The following FOXA3 variants were observed in gnomAD, a reference collection of about 807,000 sequenced individuals.
The protein encoded by FOXA3 is hepatocyte nuclear factor 3-gamma.
Under a neutral mutation model 16.9 loss-of-function variants are expected in FOXA3, and 11 were observed. The ratio of observed to expected loss-of-function variants is 0.65; its 90% CI spans 0.41 to 1.08. The LOEUF is 1.08. Ranked by LOEUF, FOXA3 falls within the 50% of genes least tolerant of loss-of-function variation. The pLI is 0.00. For missense variants in FOXA3, 423 were observed against 470.1 expected, an observed-to-expected ratio of 0.90 and a Z score of 0.93; for synonymous variants, 217 against 203.3, an observed-to-expected ratio of 1.07 and a Z score of -0.57.
chr19:45,871,114 A>G (rs1243356277), intron 1 of FOXA3, among the ~76,000 whole-genome samples: 1 of 152,132 alleles, frequency 6.6e-6, no homozygotes, highest in Admixed American at 6.6e-5. Flanking sequence ...TAGGAGTCCA[A>G]ACAGTTTCTG....
Position 45,872,710 on chromosome 19 carries a change from G to T in FOXA3, c.705G>T (p.Gly235=), listed in dbSNP as rs1468864858. 16 of 1,607,218 alleles carry T rather than the reference G, an allele frequency of 1.0e-5. No homozygotes were observed. The highest frequency in any genetic ancestry group is 1.4e-5 in the Non-Finnish European group (16 of 1,177,214). Reference sequence around the variant, plus strand: ...CCACCACCACCAGGAACGGGACAGGGTCTGCTGCCTCGACCACCACCCCCG... The same window carrying T: ...CCACCACCACCAGGAACGGGACAGGTTCTGCTGCCTCGACCACCACCCCCG... ...GAATTTRNGT[G]SAASTTTPAA... Residue 235 remains glycine (G), a synonymous_variant, in exon 2 of 2, where the codon GGG becomes GGT. Transcript: ENST00000302177. This position sits in a 1 kb window ranked among gnomAD's most constrained non-coding sequence, Gnocchi z 4.5.
Position 45,864,433 on chromosome 19 carries a change from C to T in FOXA3, c.-24C>T, listed in dbSNP as rs2146358247. ...CGTTCCCCCGGGGCCGGAGCGGGGG[C>T]GGGTGGGGGCGTAAGCCCGGGGGAT... On this transcript the variant is annotated 5_prime_UTR_variant, in exon 1 of 2. Transcript: ENST00000302177. 4.3e-6 allele frequency: 6 copies of T among 1,392,564 alleles called. No homozygotes were observed. Among genetic ancestry groups the T allele is most frequent in the South Asian group, 1.6e-5 (1 of 64,350 alleles). 86.3% of individuals were successfully genotyped at this position (1,392,564 alleles called of 1,614,324 possible). A position where few individuals can be genotyped will look rare whatever the true frequency, so the allele number is the denominator to read the frequency against.
At chr19:45,869,013 T>G (rs1972110497) in intron 1 of FOXA3, among the ~76,000 whole-genome samples, 1 of 152,168 alleles carries the variant, frequency 6.6e-6, no homozygotes, top group Admixed American at 6.5e-5. Context: ...CCACAACCTC[T>G]GCCTCCTGGG....
At chr19:45,865,291 G>C (rs1027461823) in intron 1 of FOXA3, among the ~76,000 whole-genome samples, 5 of 151,966 alleles carry the variant, frequency 3.3e-5, no homozygotes, top group African/African-American at 1.2e-4. Flanking sequence ...CCTGCTCCCC[G>C]CCAGTCCAGC....
chr19:45,865,029 G>T (rs570170620), intron 1 of FOXA3, among the ~76,000 whole-genome samples: 1 of 152,230 alleles, frequency 6.6e-6, no homozygotes, highest in African/African-American at 2.4e-5. Flanking sequence ...CTAAGGATCA[G>T]CTGGTAATCT....
At chr19:45,864,549 C>T (rs1972060241) in intron 1 of FOXA3, 24 bp downstream of exon 1, 5 of 1,503,834 alleles carry the variant, frequency 3.3e-6, no homozygotes, top group African/African-American at 1.4e-5. Context: ...GATGGCGGAG[C>T]GGGAAGTTGG....
Position 45,872,680 on chromosome 19 carries a change from G to C in FOXA3, c.675G>C (p.Gly225=), listed in dbSNP as rs753556194. The change falls in exon 2 of 2, where the codon GGG becomes GGC. Residue 225 remains glycine, a synonymous_variant. Transcript: ENST00000302177. The surrounding 1 kb of genome is among the most constrained non-coding windows in gnomAD (Gnocchi z 4.5). ...AGAAGGTGAAAAAAGGGGGCAGCGG[G>C]GCTGCCACCACCACCAGGAACGGGA... The part of the protein sequence containing the change: ...LEEKVKKGGS[G]AATTTRNGTG... 5 of 1,611,130 alleles carry C rather than the reference G, an allele frequency of 3.1e-6. No individual in the cohort carries two copies. Among genetic ancestry groups the C allele is most frequent in the South Asian group, 2.2e-5 (2 of 90,862 alleles).
At position 45,868,252 on chromosome 19, in the gene FOXA3, A is replaced by G. The variant is rs915785090; in HGVS notation, c.69+3727A>G. On this transcript the variant is annotated intron_variant, in intron 1 of 1. Coordinates refer to ENST00000302177, the MANE Select transcript of FOXA3 (RefSeq NM_004497.3). ...TGATTCCCTAAGCCACCCTGGCCAGACTCGTTTCTCCGGACCTTGTGACCT... is the reference window on the plus strand; with the variant it reads ...TGATTCCCTAAGCCACCCTGGCCAGGCTCGTTTCTCCGGACCTTGTGACCT... Among the ~76,000 whole-genome samples, 6 of 151,888 alleles carry G rather than the reference A, an allele frequency of 4.0e-5. No homozygotes were observed. In the East Asian group the frequency reaches 5.8e-4, roughly 15 times the overall value.
chr19:45,873,196 G>A lies in FOXA3; in HGVS notation c.*138G>A, dbSNP rs368712646. The A allele has an allele frequency of 5.2e-6, 7 of 1,338,854 alleles. No homozygotes were observed. The highest frequency in any genetic ancestry group is 2.5e-5 in the East Asian group (1 of 39,776). The allele number at this position is 1,338,854 out of a possible 1,614,324, so 82.9% of individuals were successfully genotyped here. On this transcript the variant is annotated 3_prime_UTR_variant, in exon 2 of 2. Transcript: ENST00000302177. ...TCTATTACTTACTGTGATGACTGCT[G>A]TCTCAGTGGGCATGGTGTTGATCCA...
At chr19:45,871,530 GC>G (rs1199470656) in intron 1 of FOXA3, among the ~76,000 whole-genome samples, 5 of 147,108 alleles carry the variant, frequency 3.4e-5, no homozygotes, top group African/African-American at 1.3e-4. Flanking sequence ...TTCAAGACCA[GC>G]CCGGCCAACA....
chr19:45,867,820 A>T (rs1972098234), intron 1 of FOXA3, among the ~76,000 whole-genome samples: 2 of 134,940 alleles, frequency 1.5e-5, no homozygotes, highest in South Asian at 2.5e-4. Flanking sequence ...GGGCTGAAGG[A>T]GGAAGAAAGG....
At chr19:45,864,600 G>A in intron 1 of FOXA3, 75 bp downstream of exon 1, 1 of 1,247,402 alleles carries the variant, frequency 8.0e-7, no homozygotes, top group Non-Finnish European at 1.1e-6. Flanking sequence ...AGCAGGGACT[G>A]GTTGTGGGTT....
At chr19:45,871,291 T>C (rs980595219) in intron 1 of FOXA3, among the ~76,000 whole-genome samples, 12 of 152,180 alleles carry the variant, frequency 7.9e-5, no homozygotes, top group African/African-American at 2.2e-4. Context: ...ACTGTTTTTT[T>C]CCATTTTTGC....
chr19:45,866,241 G>A (rs60127273), intron 1 of FOXA3, among the ~76,000 whole-genome samples: 1 of 151,840 alleles, frequency 6.6e-6, no homozygotes, highest in Non-Finnish European at 1.5e-5. Flanking sequence ...GGGAGACCTT[G>A]TCTTTAAAAA....
In FOXA3 at chr19:45,873,266, T is replaced by G; in HGVS notation, c.*208T>G. On this transcript the variant is annotated 3_prime_UTR_variant, in exon 2 of 2. Coordinates refer to ENST00000302177, the MANE Select transcript of FOXA3 (RefSeq NM_004497.3). ...CCATGGATACATTTTGGTGGCCCAC[T>G]GGGTACTGTGAGGACTGCTACATTG... 1.4e-6 allele frequency: 1 copy of G among 725,808 alleles called. No homozygotes were observed. Among genetic ancestry groups the G allele is most frequent in the Non-Finnish European group, 2.2e-6 (1 of 449,234 alleles). 45.0% of individuals were successfully genotyped at this position (725,808 alleles called of 1,614,324 possible).
At chr19:45,867,592 C>T (rs1318935800) in intron 1 of FOXA3, among the ~76,000 whole-genome samples, 1 of 151,704 alleles carries the variant, frequency 6.6e-6, no homozygotes, top group South Asian at 2.1e-4. Context: ...CCAGGCTGGC[C>T]AACATGGTGA....
chr19:45,865,511 T>C (rs1972076511), intron 1 of FOXA3, among the ~76,000 whole-genome samples: 1 of 151,870 alleles, frequency 6.6e-6, no homozygotes, highest in Non-Finnish European at 1.5e-5. Flanking sequence ...GGGCTGGGGG[T>C]TGGGTTCTTG....
intron 1 of FOXA3, among the ~76,000 whole-genome samples, chr19:45,867,426 T>C (rs1274866495): frequency 6.7e-6 from 1 of 149,626 alleles, no homozygotes; most frequent in Non-Finnish European, 1.5e-5. Context: ...GATAGATAGA[T>C]AGATAGATAG....
At chr19:45,868,790 T>G (rs1972108867) in intron 1 of FOXA3, among the ~76,000 whole-genome samples, 2 of 151,924 alleles carry the variant, frequency 1.3e-5, no homozygotes, top group South Asian at 4.1e-4. Flanking sequence ...AAGGGATAAG[T>G]AGATACAAAG....
Sources: allele counts gnomAD v4.1 joint callset (sites outside exome capture counted in the v4.1 genomes callset), GRCh38; gene constraint gnomAD v4.1.1; non-coding constraint Gnocchi (gnomAD v3.1); transcripts MANE v1.5; gene names NCBI Gene and HGNC (gene_info 2026-07-23, HGNC 2026-07-21).